Variants in AMN observed in about 807,000 individuals in gnomAD.
AMN encodes protein amnionless.
In AMN, 40 loss-of-function variants were observed where a neutral mutation model predicts 49.1. The ratio of observed to expected loss-of-function variants is 0.81; its 90% CI spans 0.63 to 1.06. The LOEUF is 1.06. Among genes scored for constraint, AMN ranks in the 50% least tolerant of loss-of-function variants. AMN has a pLI of 0.00. For missense variants in AMN, 701 were observed against 662.8 expected (o/e 1.06, Z -0.63); for synonymous variants, 380 against 313.3 (o/e 1.21, Z -2.25).
rs753202286 is a variant in AMN at position 102,930,070 on chromosome 14, G to C, written c.990G>C (p.Ala330=). Residue 330 remains alanine, a synonymous_variant, in exon 9 of 12, where the codon GCG becomes GCC. Transcript: ENST00000299155. ...GAGRLARALL[A]DVAENGEALG... ...GGCGGCTGGCCCGGGCCCTCCTGGC[G>C]GACGTCGCCGAGAACGGTAACCGCG... 7 of 1,542,558 alleles carry C rather than the reference G, an allele frequency of 4.5e-6. No homozygotes were observed. The South Asian group carries it at 6.0e-5, about 13-fold the overall frequency.
intron 3 of AMN, 27 bp from the exon 4 acceptor site, chr14:102,928,399 C>G: frequency 6.4e-7 from 1 of 1,561,698 alleles, no homozygotes; most frequent in Non-Finnish European, 8.7e-7. Flanking sequence ...CCCCGCGTGG[C>G]GCCGCCTCAG....
Position 102,929,256 on chromosome 14 carries a change from G to T in AMN, c.649G>T (p.Glu217Ter). ...DPSGCVCGNA[E>*]AQPWICAALL... is the part of the protein sequence containing the mutation. Reference sequence around the variant, plus strand: ...GTCGGGCTGCGTCTGCGGCAACGCGGAGGTGAGCGAGGCCGCAGTGGAGTC... The same window carrying T: ...GTCGGGCTGCGTCTGCGGCAACGCGTAGGTGAGCGAGGCCGCAGTGGAGTC... The change falls in exon 6 of 12, where the codon GAG becomes TAG. Residue 217 changes from glutamate (E) to a stop codon, truncating the protein, a stop_gained and splice_region_variant. Transcript: ENST00000299155. LOFTEE classifies it high-confidence loss of function. The T allele has an allele frequency of 6.8e-7, 1 of 1,476,692 alleles. No individual in the cohort carries two copies. The highest frequency in any genetic ancestry group is 8.9e-7 in the Non-Finnish European group (1 of 1,124,870). The allele number at this position is 1,476,692 out of a possible 1,614,324, so 91.5% of individuals were successfully genotyped here.
chr14:102,928,091 A>G (rs1198049974), intron 3 of AMN, among the ~76,000 whole-genome samples: 1 of 152,228 alleles, frequency 6.6e-6, no homozygotes, highest in Non-Finnish European at 1.5e-5. Flanking sequence ...GGGAGGCGAC[A>G]GGCCCTGGCC....
chr14:102,930,535 G>A, intron 11 of AMN, 41 bp from the exon 12 acceptor site: 1 of 1,545,814 alleles, frequency 6.5e-7, no homozygotes. Flanking sequence ...CTCGGGGCCG[G>A]GACTCGGCGC....
rs1891340299 is a variant in AMN at position 102,930,764 on chromosome 14, C to T, written c.*84C>T. On this transcript the variant is annotated 3_prime_UTR_variant, in exon 12 of 12. Coordinates refer to ENST00000299155, the MANE Select transcript of AMN (RefSeq NM_030943.4). ...GGGGCTAGCCACCTCCTCGTCCAGC[C>T]CCCAAACCTCCCCTTCCTTTCCCCC... 2.9e-6 allele frequency: 4 copies of T among 1,386,522 alleles called. No homozygotes were observed. Among genetic ancestry groups the T allele is most frequent in the African/African-American group, 1.4e-5 (1 of 69,890 alleles). The allele number at this position is 1,386,522 out of a possible 1,614,324, so 85.9% of individuals were successfully genotyped here.
Position 102,928,776 on chromosome 14 carries a change from G to A in AMN, c.314G>A (p.Arg105His). 1 of 1,608,586 alleles carries A rather than the reference G, an allele frequency of 6.2e-7. No homozygotes were observed. The highest frequency in any genetic ancestry group is 1.3e-5 in the African/African-American group (1 of 75,046). ...GGCTCAGGCGAACCTGCCGTCTTCCGCGACTCTGACCGCTTCTCCTGGCAT... is the reference window on the plus strand; with the variant it reads ...GGCTCAGGCGAACCTGCCGTCTTCCACGACTCTGACCGCTTCTCCTGGCAT... ...DCGAGEPAVFRDSDRFSWHDP... is the reference protein window; with the variant it reads ...DCGAGEPAVFHDSDRFSWHDP... The change falls in exon 5 of 12, where the codon CGC (arginine) becomes CAC (histidine). Residue 105 changes from arginine (R) to histidine (H), a missense_variant. Arg to His is a conservative substitution (Grantham distance 29). Transcript: ENST00000299155.
intron 3 of AMN, among the ~76,000 whole-genome samples, chr14:102,925,400 T>G (rs1236372680): frequency 6.6e-6 from 1 of 152,180 alleles, no homozygotes; most frequent in Non-Finnish European, 1.5e-5. Flanking sequence ...ACCCAAAAGC[T>G]GCCACACACT....
chr14:102,923,352 T>G, intron 1 of AMN: 1 of 351,918 alleles, frequency 2.8e-6, no homozygotes, highest in South Asian at 2.5e-5. Context: ...CGAGAAGAGG[T>G]CTGTGCTGCC....
At chr14:102,930,131 C>T (rs1472327857) in intron 9 of AMN, 34 bp from the exon 10 acceptor site, 1 of 1,501,148 alleles carries the variant, frequency 6.7e-7, no homozygotes, top group South Asian at 1.3e-5. Context: ...CTCGCCCCGC[C>T]GCGGGGAAGA....
chr14:102,928,167 G>A (rs1891229897), intron 3 of AMN, among the ~76,000 whole-genome samples: 1 of 152,242 alleles, frequency 6.6e-6, no homozygotes, highest in Non-Finnish European at 1.5e-5. Flanking sequence ...TCTGCCCCTG[G>A]CCTGTGAGAC....
intron 1 of AMN, 26 bp downstream of exon 1, chr14:102,922,757 GC>G (rs1891084817): frequency 1.9e-6 from 3 of 1,569,650 alleles, no homozygotes; most frequent in Non-Finnish European, 2.6e-6. Context: ...ACCGGTGCGG[GC>G]CCGGACGGTA....
intron 3 of AMN, among the ~76,000 whole-genome samples, chr14:102,925,246 G>A (rs940440508): frequency 6.6e-6 from 1 of 152,262 alleles, no homozygotes; most frequent in Non-Finnish European, 1.5e-5. Context: ...CCAGGCCTGG[G>A]GCCCCCGCGT....
At position 102,928,763 on chromosome 14, in the gene AMN, C is replaced by A; in HGVS notation, c.301C>A (p.Pro101Thr). The change falls in exon 5 of 12, where the codon CCT becomes ACT. Residue 101 changes from proline (P) to threonine (T), a missense_variant. Coordinates refer to ENST00000299155, the MANE Select transcript of AMN (RefSeq NM_030943.4). ...GSHLDCGAGE[P>T]AVFRDSDRFS... Reference sequence around the variant, plus strand: ...AGGGATGTGCTCCGGCTCAGGCGAACCTGCCGTCTTCCGCGACTCTGACCG... The same window carrying A: ...AGGGATGTGCTCCGGCTCAGGCGAAACTGCCGTCTTCCGCGACTCTGACCG... 1 of 1,607,836 alleles carries A rather than the reference C, an allele frequency of 6.2e-7. No individual in the cohort carries two copies.
At chr14:102,930,118 C>A in intron 9 of AMN, 32 bp downstream of exon 9, 1 of 1,500,492 alleles carries the variant, frequency 6.7e-7, no homozygotes, top group Non-Finnish European at 8.8e-7. Context: ...CGCCCCGCCG[C>A]GCCTCGCCCC....
chr14:102,930,413 A>C lies in AMN; in HGVS notation c.1177A>C (p.Arg393=), dbSNP rs912125076. The C allele has an allele frequency of 7.9e-6, 12 of 1,518,802 alleles. No individual in the cohort carries two copies. Among genetic ancestry groups the C allele is most frequent in the South Asian group, 1.2e-5 (1 of 82,326 alleles). 94.1% of individuals were successfully genotyped at this position (1,518,802 alleles called of 1,614,324 possible). A position where few individuals can be genotyped will look rare whatever the true frequency, so the allele number is the denominator to read the frequency against. ...LRRAGRLRWR[R]HEAAAPAGAP... ...TCCCCGCTACGCCCTCAGGTGGAGG[A>C]GGCACGAGGCGGCGGCCCCGGCTGG... The change falls in exon 11 of 12, where the codon AGG becomes CGG. Residue 393 remains arginine (R), a synonymous_variant. Transcript: ENST00000299155.
At chr14:102,926,699 G>C (rs1891196139) in intron 3 of AMN, among the ~76,000 whole-genome samples, 1 of 149,410 alleles carries the variant, frequency 6.7e-6, no homozygotes, top group Non-Finnish European at 1.5e-5. Flanking sequence ...CGATTCTCCT[G>C]CCTGAGCCTC....
chr14:102,923,587 G>T (rs1474150633), intron 1 of AMN, 124 bp from the exon 2 acceptor site: 3 of 926,158 alleles, frequency 3.2e-6, no homozygotes, highest in Admixed American at 1.7e-5. Flanking sequence ...GGCCCCCGGG[G>T]ATGGGGTTCC....
Position 102,930,060 on chromosome 14 carries a change from C to A in AMN, c.980C>A (p.Ala327Asp). 1 of 1,545,206 alleles carries A rather than the reference C, an allele frequency of 6.5e-7. No individual in the cohort carries two copies. Among genetic ancestry groups the A allele is most frequent in the South Asian group, 1.2e-5 (1 of 83,612 alleles). The change falls in exon 9 of 12, where the codon GCC (alanine) becomes GAC (aspartate). Residue 327 changes from alanine (A) to aspartate (D), a missense_variant. Transcript: ENST00000299155. ...GGCGGAGCGGGGCGGCTGGCCCGGG[C>A]CCTCCTGGCGGACGTCGCCGAGAAC... ...ETGGAGRLAR[A>D]LLADVAENGE... is the part of the protein sequence containing the mutation.
At chr14:102,926,127 G>A (rs559496417) in intron 3 of AMN, among the ~76,000 whole-genome samples, 1 of 152,174 alleles carries the variant, frequency 6.6e-6, no homozygotes, top group East Asian at 1.9e-4. Flanking sequence ...GCAGTGTCCT[G>A]TGCTGAACAG....
Sources: allele counts gnomAD v4.1 joint callset (sites outside exome capture counted in the v4.1 genomes callset), GRCh38; gene constraint gnomAD v4.1.1; transcripts MANE v1.5; gene names NCBI Gene and HGNC (gene_info 2026-07-23, HGNC 2026-07-21).